PHF24: variants seen among roughly 807,000 people sequenced by gnomAD.
The protein encoded by PHF24 is PHD finger protein 24.
In PHF24, 25 loss-of-function variants were observed where a neutral mutation model predicts 42.6. That is an observed-to-expected ratio of 0.59 (90% CI 0.43 to 0.82). PHF24 has a LOEUF of 0.82. Ranked by LOEUF, PHF24 falls within the 40% of genes least tolerant of loss-of-function variation. PHF24 has a pLI of 0.00. For synonymous variants in PHF24, 185 were observed against 204.8 expected (o/e 0.90, Z 0.83); for missense variants, 470 against 538.1 (o/e 0.87, Z 1.25).
chr9:34,838,191 T>C, the PHF24 span, among the ~76,000 whole-genome samples: 2 of 152,202 alleles, frequency 1.3e-5, no homozygotes, highest in South Asian at 2.1e-4. Context: ...GGAATTACTT[T>C]TAGGCTCTGA....
chr9:34,841,730 C>T, the PHF24 span, among the ~76,000 whole-genome samples: 27 of 152,030 alleles, frequency 1.8e-4, no homozygotes, highest in Non-Finnish European at 2.4e-4. Context: ...TGGTGGCAGC[C>T]GCCTGTAATC....
At chr9:34,832,593 G>A in the PHF24 span, 7 of 1,543,812 alleles carry the variant, frequency 4.5e-6, no homozygotes, top group Non-Finnish European at 5.3e-6. Flanking sequence ...CACAGTGGCA[G>A]AGAACATGGA....
chr9:34,689,626 G>T, the PHF24 span: 1 of 637,244 alleles, frequency 1.6e-6, no homozygotes, highest in Non-Finnish European at 2.8e-6. This position sits in a 1 kb window ranked among gnomAD's most constrained non-coding sequence, Gnocchi z 4.1. Context: ...GGGTGGAGCA[G>T]CTTTACTCTG....
At chr9:34,894,797 G>A in the PHF24 span, among the ~76,000 whole-genome samples, 4 of 152,204 alleles carry the variant, frequency 2.6e-5, no homozygotes, top group Non-Finnish European at 5.9e-5. Flanking sequence ...TGACAGAGTT[G>A]AGGACTTCTG....
At chr9:34,851,808 GTTTAC>G in the PHF24 span, among the ~76,000 whole-genome samples, 1 of 152,088 alleles carries the variant, frequency 6.6e-6, no homozygotes, top group African/African-American at 2.4e-5. Flanking sequence ...AACTCATCAT[GTTTAC>G]TTTACCCCCT....
At chr9:34,923,047 TTG>T in the PHF24 span, 3 of 414,838 alleles carry the variant, frequency 7.2e-6, no homozygotes, top group Non-Finnish European at 1.2e-5. Flanking sequence ...AGTTTTGTTT[TTG>T]TTTTTTTTTT....
chr9:34,732,218 A>G, the PHF24 span, among the ~76,000 whole-genome samples: 1 of 151,990 alleles, frequency 6.6e-6, no homozygotes, highest in Non-Finnish European at 1.5e-5. Flanking sequence ...CATTCCCACC[A>G]TCAGTGTACA....
chr9:34,942,491 G>A, the PHF24 span, among the ~76,000 whole-genome samples: 1 of 152,186 alleles, frequency 6.6e-6, no homozygotes, highest in East Asian at 1.9e-4. Context: ...CAATGAAATG[G>A]ATTAGTGTGA....
At chr9:34,701,200 C>G in the PHF24 span, among the ~76,000 whole-genome samples, 1 of 152,124 alleles carries the variant, frequency 6.6e-6, no homozygotes, top group African/African-American at 2.4e-5. The surrounding 1 kb of genome is among the most constrained non-coding windows in gnomAD (Gnocchi z 5.8). Flanking sequence ...ATCCCCGCCC[C>G]AGGGGTAGGA....
chr9:34,903,711 G>T, the PHF24 span, among the ~76,000 whole-genome samples: 1 of 152,182 alleles, frequency 6.6e-6, no homozygotes, highest in East Asian at 1.9e-4. Flanking sequence ...AAGGCATTAG[G>T]TTGTCACAGC....
At chr9:34,844,631 T>C in the PHF24 span, among the ~76,000 whole-genome samples, 5 of 152,216 alleles carry the variant, frequency 3.3e-5, no homozygotes, top group Admixed American at 6.5e-5. Context: ...TTTTATACCA[T>C]TGAGGTTGGA....
chr9:34,764,749 T>C, the PHF24 span, among the ~76,000 whole-genome samples: 1 of 152,210 alleles, frequency 6.6e-6, no homozygotes, highest in Non-Finnish European at 1.5e-5. Flanking sequence ...AGCTTTTGAA[T>C]GTGTTTGCTC....
At chr9:34,680,862 C>T in the PHF24 span, 1 of 152,144 alleles carries the variant, frequency 6.6e-6, no homozygotes, top group African/African-American at 2.4e-5. Flanking sequence ...CTTTCACTGA[C>T]TCCTCTTTTC....
At chr9:34,944,571 G>A in the PHF24 span, among the ~76,000 whole-genome samples, 1 of 152,326 alleles carries the variant, frequency 6.6e-6, no homozygotes, top group South Asian at 2.1e-4. Context: ...GACCACTTCT[G>A]CAGTCTTAGG....
At chr9:34,709,369 C>G in the PHF24 span, 6 of 1,604,588 alleles carry the variant, frequency 3.7e-6, no homozygotes, top group Admixed American at 1.8e-5. Flanking sequence ...GGTGGGGTCT[C>G]CAGGGCTCCA....
At chr9:34,799,557 C>A in the PHF24 span, among the ~76,000 whole-genome samples, 1 of 152,132 alleles carries the variant, frequency 6.6e-6, no homozygotes. Context: ...TACTTTGATA[C>A]CTTTGTGGTC....
chr9:34,907,911 C>G, the PHF24 span, among the ~76,000 whole-genome samples: 1 of 151,996 alleles, frequency 6.6e-6, no homozygotes, highest in Admixed American at 6.6e-5. Flanking sequence ...GGCATGATCT[C>G]GGCTCACTGC....
At chr9:34,741,550 C>T in the PHF24 span, among the ~76,000 whole-genome samples, 6 of 151,988 alleles carry the variant, frequency 3.9e-5, no homozygotes, top group East Asian at 2.0e-4. Flanking sequence ...TTAGTAGACA[C>T]GGGGTTTCTC....
the PHF24 span, among the ~76,000 whole-genome samples, chr9:34,870,458 CT>C: frequency 1.3e-5 from 2 of 152,068 alleles, no homozygotes; most frequent in African/African-American, 4.8e-5. Flanking sequence ...ACTACTTACC[CT>C]TTTACTGTCT....
Sources: allele counts gnomAD v4.1 joint callset (sites outside exome capture counted in the v4.1 genomes callset), GRCh38; gene constraint gnomAD v4.1.1; non-coding constraint Gnocchi (gnomAD v3.1); transcripts MANE v1.5; gene names NCBI Gene and HGNC (gene_info 2026-07-23, HGNC 2026-07-21).